Variants in GALK2 observed in about 807,000 individuals in gnomAD.
The protein encoded by GALK2 is galactokinase 2.
Under a neutral mutation model 52.4 loss-of-function variants are expected in GALK2, and 36 were observed. The ratio of observed to expected loss-of-function variants is 0.69; its 90% CI spans 0.53 to 0.91. The LOEUF (loss-of-function observed/expected upper bound fraction) is 0.91. Ranked by LOEUF, GALK2 falls within the 40% of genes least tolerant of loss-of-function variation. The pLI is 0.00. For synonymous variants in GALK2, 176 were observed against 199.1 expected, an observed-to-expected ratio of 0.88 and a Z score of 0.98; for missense variants, 579 against 559.1, an observed-to-expected ratio of 1.04 and a Z score of -0.36.
chr15:49,283,698 G>C lies in GALK2; in HGVS notation c.736G>C (p.Glu246Gln). The C allele has an allele frequency of 5.0e-6, 8 of 1,614,062 alleles. No homozygotes were observed. Among genetic ancestry groups the C allele is most frequent in the Non-Finnish European group, 6.8e-6 (8 of 1,179,938 alleles). The change falls in exon 7 of 10, where the codon GAG becomes CAG. Residue 246 changes from glutamate (E) to glutamine (Q), a missense_variant. Coordinates refer to ENST00000560031, the MANE Select transcript of GALK2 (RefSeq NM_002044.4). Reference sequence around the variant, plus strand: ...TTCCCATTTCAATATCAGGGTGATGGAGTGTCGGCTGGCTGCGAAGGTATG... The same window carrying C: ...TTCCCATTTCAATATCAGGGTGATGCAGTGTCGGCTGGCTGCGAAGGTATG... The part of the protein sequence containing the change: ...ATSHFNIRVM[E>Q]CRLAAKLLAK...
At chr15:49,303,957 T>G (rs1279273808) in intron 8 of GALK2, among the ~76,000 whole-genome samples, 1 of 152,236 alleles carries the variant, frequency 6.6e-6, no homozygotes. Context: ...CATGGATGTA[T>G]CTCTGTCTTT....
chr15:49,202,645 A>G (rs2087882204), intron 2 of GALK2, among the ~76,000 whole-genome samples: 3 of 152,182 alleles, frequency 2.0e-5, no homozygotes, highest in Admixed American at 2.0e-4. Context: ...ACTATTGTGA[A>G]TAGTTTTGCA....
intron 3 of GALK2, chr15:49,343,550 T>G (rs1229082937): frequency 2.0e-5 from 3 of 152,208 alleles, no homozygotes; most frequent in Non-Finnish European, 2.9e-5. Flanking sequence ...CGATTTTATT[T>G]GTTGCCTGGC....
At chr15:49,363,642 C>A (rs1166147151) in intron 3 of GALK2, among the ~76,000 whole-genome samples, 1 of 152,034 alleles carries the variant, frequency 6.6e-6, no homozygotes, top group Non-Finnish European at 1.5e-5. Context: ...TTGCTCTGGC[C>A]AGGACTTCCA....
At chr15:49,259,314 A>G (rs1312777811) in intron 5 of GALK2, among the ~76,000 whole-genome samples, 1 of 149,972 alleles carries the variant, frequency 6.7e-6, no homozygotes, top group Non-Finnish European at 1.5e-5. Context: ...CATTAGGTAT[A>G]TCTCCTAAAG....
chr15:49,264,605 A>G (rs972187728), intron 5 of GALK2, among the ~76,000 whole-genome samples: 9 of 152,018 alleles, frequency 5.9e-5, no homozygotes, highest in African/African-American at 2.2e-4. Flanking sequence ...GCTTTGTTCC[A>G]TTGCTGGTGA....
At chr15:49,349,325 C>A (rs918500315) in intron 3 of GALK2, among the ~76,000 whole-genome samples, 1 of 152,064 alleles carries the variant, frequency 6.6e-6, no homozygotes, top group East Asian at 1.9e-4. Context: ...CATTTTAAAA[C>A]TCATCCTCCC....
At chr15:49,292,238 A>C in intron 7 of GALK2, 89 bp from the exon 8 acceptor site, 1 of 1,222,538 alleles carries the variant, frequency 8.2e-7, no homozygotes, top group Non-Finnish European at 1.2e-6. Flanking sequence ...ACAAAACAAA[A>C]AACAGCTTAA....
rs1450841714 is a variant in GALK2 at position 49,328,889 on chromosome 15, A to G, written c.*730A>G. The G allele has an allele frequency of 8.5e-6, 11 of 1,297,804 alleles. No homozygotes were observed. Among genetic ancestry groups the G allele is most frequent in the Non-Finnish European group, 1.1e-5 (11 of 1,018,828 alleles). 80.4% of individuals were successfully genotyped at this position (1,297,804 alleles called of 1,614,324 possible). A position where few individuals can be genotyped will look rare whatever the true frequency, so the allele number is the denominator to read the frequency against. ...CTTTCAATTCTTTTGGCCCTGAGCTATCTCCATTACTTAATAGAAAAACTT... is the reference window on the plus strand; with the variant it reads ...CTTTCAATTCTTTTGGCCCTGAGCTGTCTCCATTACTTAATAGAAAAACTT... On this transcript the variant is annotated 3_prime_UTR_variant, in exon 10 of 10. Transcript: ENST00000560031.
chr15:49,234,848 C>A (rs1026633125), intron 3 of GALK2, among the ~76,000 whole-genome samples: 4 of 151,848 alleles, frequency 2.6e-5, no homozygotes, highest in African/African-American at 9.7e-5. Flanking sequence ...CTCACTGCAA[C>A]CTCTACCTCC....
At chr15:49,264,398 C>G (rs966322367) in intron 5 of GALK2, among the ~76,000 whole-genome samples, 1 of 152,160 alleles carries the variant, frequency 6.6e-6, no homozygotes, top group Non-Finnish European at 1.5e-5. Flanking sequence ...ACGTAGTTCT[C>G]GAGCCTTGGC....
At chr15:49,178,672 C>A (rs955391506) in intron 1 of GALK2, 2 of 220,058 alleles carry the variant, frequency 9.1e-6, no homozygotes, top group South Asian at 7.8e-5. Context: ...CAGGGACTCT[C>A]CGAAGAAAGT....
At chr15:49,165,800 C>CTTTTTTTTTTTTT (rs552058665), upstream of GALK2, among the ~76,000 whole-genome samples, 3 of 134,722 alleles carry the variant, frequency 2.2e-5, no homozygotes, top group Non-Finnish European at 4.8e-5. Flanking sequence ...TAATGTATTT[C>CTTTTTTTTTTTTT]TTTTTTTTTT....
intron 1 of GALK2, chr15:49,177,748 TG>T: frequency 1.3e-6 from 1 of 799,430 alleles, no homozygotes; most frequent in Non-Finnish European, 1.8e-6. Flanking sequence ...CCTTTGCTTG[TG>T]GACTGGTTTG....
In GALK2 at chr15:49,201,074, G is replaced by T. The variant is rs1019440755; in HGVS notation, c.54-88G>T. On this transcript the variant is annotated intron_variant, in intron 1 of 9. Transcript: ENST00000560031. Reference sequence around the variant, plus strand: ...ATGGAGTGTGTGTGTGTGTGTGTGTGTGTGTGTGTGTGTATGTATGTGTGT... The same window carrying T: ...ATGGAGTGTGTGTGTGTGTGTGTGTTTGTGTGTGTGTGTATGTATGTGTGT... 9 of 664,654 alleles carry T rather than the reference G, an allele frequency of 1.4e-5. No individual in the cohort carries two copies. The African/African-American group carries it at 1.6e-4, about 12-fold the overall frequency. The allele number at this position is 664,654 out of a possible 1,614,324, so 41.2% of individuals were successfully genotyped here. A position where few individuals can be genotyped will look rare whatever the true frequency, so the allele number is the denominator to read the frequency against.
intron 4 of GALK2, among the ~76,000 whole-genome samples, chr15:49,236,598 A>G (rs563325208): frequency 5.1e-4 from 77 of 152,368 alleles, no homozygotes; most frequent in African/African-American, 1.5e-3. Flanking sequence ...TCACTCTCAT[A>G]ATTGAAAAAG....
chr15:49,367,610 TGTAAGAGGAAGAAA>T, exon 4 of GALK2: 1 of 1,547,230 alleles, frequency 6.5e-7, no homozygotes, highest in Non-Finnish European at 8.6e-7. Context: ...ATAGTGCGAC[TGTAAGAGGAAGAAA>T]ATAATCAAGA....
chr15:49,263,636 T>C (rs1434065052), intron 5 of GALK2, among the ~76,000 whole-genome samples: 6,111 of 103,644 alleles, frequency 0.059, 124 homozygotes, highest in Middle Eastern at 0.12. Context: ...TTATTTTGCT[T>C]GTTAGTTGAT....
intron 5 of GALK2, among the ~76,000 whole-genome samples, chr15:49,273,509 T>A (rs998991213): frequency 6.6e-6 from 1 of 152,012 alleles, no homozygotes; most frequent in African/African-American, 2.4e-5. Flanking sequence ...AAGTTAGAGA[T>A]GTGAAGAAGA....
Sources: gnomAD v4.1 joint callset for allele counts (sites outside exome capture counted in the v4.1 genomes callset) on GRCh38, gnomAD v4.1.1 for gene constraint, MANE v1.5 for transcripts, NCBI Gene and HGNC (gene_info 2026-07-23, HGNC 2026-07-21) for gene names.